Variants in KAZN observed in about 807,000 individuals in gnomAD.
The protein encoded by KAZN is kazrin, periplakin interacting protein.
In KAZN, 40 loss-of-function variants were observed where a neutral mutation model predicts 87.4. That is an observed-to-expected ratio of 0.46 (90% CI 0.36 to 0.60). The LOEUF (loss-of-function observed/expected upper bound fraction) is 0.60. KAZN is among the 20% of genes least tolerant of loss of function. The probability of loss-of-function intolerance (pLI) is 0.00; values close to 1 mark genes in which losing one functional copy is unlikely to be tolerated. For missense variants in KAZN, 898 were observed against 1,073.9 expected, an observed-to-expected ratio of 0.84 and a Z score of 2.29; for synonymous variants, 466 against 458.3, an observed-to-expected ratio of 1.02 and a Z score of -0.22.
chr1:14,673,476 G>A (rs1198669419), intron 1 of KAZN, among the ~76,000 whole-genome samples: 1 of 152,244 alleles, frequency 6.6e-6, no homozygotes, highest in African/African-American at 2.4e-5. Context: ...AGAAGGGCAT[G>A]CATGATGTGA....
chr1:14,688,815 A>C (rs895056547), intron 1 of KAZN, among the ~76,000 whole-genome samples: 6 of 152,268 alleles, frequency 3.9e-5, no homozygotes, highest in African/African-American at 1.4e-4. Flanking sequence ...AAAGGCAAAT[A>C]ATATGCATAG....
At chr1:15,071,187 G>T (rs1370472751) in intron 8 of KAZN, among the ~76,000 whole-genome samples, 1 of 152,148 alleles carries the variant, frequency 6.6e-6, no homozygotes, top group African/African-American at 2.4e-5. Context: ...ATGTCCCCCT[G>T]TGGGCAAATT....
intron 1 of KAZN, among the ~76,000 whole-genome samples, chr1:14,744,609 G>A (rs1013703356): frequency 6.6e-6 from 1 of 152,068 alleles, no homozygotes; most frequent in African/African-American, 2.4e-5. Context: ...GGTGGCATGT[G>A]CCTGTAGTCC....
intron 1 of KAZN, among the ~76,000 whole-genome samples, chr1:14,161,864 ATGT>A (rs989362662): frequency 1.3e-5 from 2 of 152,192 alleles, no homozygotes; most frequent in Non-Finnish European, 2.9e-5. Context: ...AATTCCTTAA[ATGT>A]TGTTTTGTGG....
At chr1:15,011,653 C>T (rs1669584157) in intron 2 of KAZN, among the ~76,000 whole-genome samples, 1 of 152,208 alleles carries the variant, frequency 6.6e-6, no homozygotes, top group Non-Finnish European at 1.5e-5. Flanking sequence ...AGTCACCAAA[C>T]TTAAAGCCGG....
chr1:14,021,570 A>G (rs968183422), intron 1 of KAZN, among the ~76,000 whole-genome samples: 1 of 152,108 alleles, frequency 6.6e-6, no homozygotes, highest in Non-Finnish European at 1.5e-5. Context: ...AGGTCTCTCT[A>G]TTTTTTCCAA....
intron 1 of KAZN, among the ~76,000 whole-genome samples, chr1:14,142,953 C>T (rs1645272244): frequency 6.6e-6 from 1 of 152,084 alleles, no homozygotes; most frequent in South Asian, 2.1e-4. Flanking sequence ...GGCCACCATG[C>T]CCTTATGCCC....
intron 1 of KAZN, among the ~76,000 whole-genome samples, chr1:14,648,953 T>C (rs1479993861): frequency 6.6e-6 from 1 of 152,196 alleles, no homozygotes; most frequent in Non-Finnish European, 1.5e-5. Context: ...CCCAGTTCTT[T>C]TAAGCTGGCA....
intron 2 of KAZN, among the ~76,000 whole-genome samples, chr1:14,415,005 G>A (rs569452041): frequency 2.6e-5 from 4 of 152,160 alleles, no homozygotes; most frequent in African/African-American, 4.8e-5. Flanking sequence ...CAGCCTGGGC[G>A]ATACAGTGAG....
intron 1 of KAZN, among the ~76,000 whole-genome samples, chr1:14,154,640 A>T (rs1362796186): frequency 2.0e-5 from 3 of 152,170 alleles, no homozygotes; most frequent in African/African-American, 7.2e-5. Context: ...TCTGTTGTAC[A>T]TGGCTTTAAT....
At chr1:14,289,085 G>T (rs1210075162) in intron 2 of KAZN, among the ~76,000 whole-genome samples, 1 of 152,176 alleles carries the variant, frequency 6.6e-6, no homozygotes, top group African/African-American at 2.4e-5. Flanking sequence ...ATTTGCTGAG[G>T]AGTGCTTTAC....
chr1:14,879,237 G>A (rs1653075489), intron 1 of KAZN, among the ~76,000 whole-genome samples: 1 of 152,126 alleles, frequency 6.6e-6, no homozygotes, highest in Non-Finnish European at 1.5e-5. Context: ...AACAACTAAT[G>A]GAGTAAATAG....
chr1:14,188,194 C>CGT (rs3033865), intron 2 of KAZN, among the ~76,000 whole-genome samples: 16,005 of 139,910 alleles, frequency 0.11, 1,194 homozygotes, highest in African/African-American at 0.23. Context: ...GAGAGAGGAG[C>CGT]GTGTGTGTGT....
intron 2 of KAZN, among the ~76,000 whole-genome samples, chr1:14,979,531 G>A (rs1205977288): frequency 3.3e-5 from 5 of 152,204 alleles, no homozygotes; most frequent in African/African-American, 7.2e-5. Context: ...CCCCCTCCCC[G>A]CCAACGCACC....
intron 1 of KAZN, among the ~76,000 whole-genome samples, chr1:14,858,203 C>CTTTTTTTTTTTTTTTTTTTTT (rs1388659468): frequency 6.3e-5 from 6 of 95,104 alleles, no homozygotes; most frequent in African/African-American, 3.2e-4. Context: ...TTTCTTTTTT[C>CTTTTTTTTTTTTTTTTTTTTT]TTTTTCTTTT....
intron 1 of KAZN, among the ~76,000 whole-genome samples, chr1:13,991,670 G>A (rs1017607298): frequency 6.6e-6 from 1 of 151,960 alleles, no homozygotes; most frequent in Admixed American, 6.6e-5. Flanking sequence ...CAAAATTCTG[G>A]AACAAGTAAT....
chr1:14,161,714 C>G (rs1433151423), intron 1 of KAZN, among the ~76,000 whole-genome samples: 1 of 152,148 alleles, frequency 6.6e-6, no homozygotes, highest in Admixed American at 6.5e-5. Flanking sequence ...ATTTTGGAAT[C>G]TAGCTATAAT....
chr1:14,784,238 CA>C (rs902202749), intron 1 of KAZN, among the ~76,000 whole-genome samples: 1 of 152,196 alleles, frequency 6.6e-6, no homozygotes, highest in African/African-American at 2.4e-5. Flanking sequence ...TTATCTAGGA[CA>C]GACTCCTTTT....
At position 15,100,916 on chromosome 1, in the gene KAZN, C is replaced by A. The variant is rs138182200; in HGVS notation, c.1548-627C>A. Among the ~76,000 whole-genome samples the A allele has an allele frequency of 3.7e-4, 56 of 152,170 alleles. No individual in the cohort carries two copies. In the East Asian group the frequency reaches 9.3e-3, roughly 25 times the overall value. The stretch of plus-strand genomic sequence containing the variant: ...GACCGCAGAGCACTGGGGAGGGATG[C>A]GCCGATCAGGTGGGCCAAGCCCAGG... On this transcript the variant is annotated intron_variant, in intron 10 of 14. Coordinates refer to ENST00000376030, the MANE Select transcript of KAZN (RefSeq NM_201628.3).
Sources: allele counts gnomAD v4.1 joint callset (sites outside exome capture counted in the v4.1 genomes callset), GRCh38; gene constraint gnomAD v4.1.1; transcripts MANE v1.5; gene names NCBI Gene and HGNC (gene_info 2026-07-23, HGNC 2026-07-21).